The following FSTL5 variants were observed in gnomAD, a reference collection of about 807,000 sequenced individuals.
The protein encoded by FSTL5 is follistatin-related protein 5.
In FSTL5, 62 loss-of-function variants were observed where a neutral mutation model predicts 89.1. That is an observed-to-expected ratio of 0.70 (90% CI 0.57 to 0.86). The LOEUF (loss-of-function observed/expected upper bound fraction) is 0.86. FSTL5 is among the 40% of genes least tolerant of loss of function. The pLI, the probability that FSTL5 is intolerant of heterozygous loss-of-function variation, is 0.00. For synonymous variants in FSTL5, 383 were observed against 346.2 expected (o/e 1.11, Z -1.18); for missense variants, 1,057 against 1,001.6 (o/e 1.06, Z -0.75).
intron 15 of FSTL5, among the ~76,000 whole-genome samples, chr4:161,434,832 C>A (rs1308639176): frequency 6.6e-6 from 1 of 152,014 alleles, no homozygotes; most frequent in African/African-American, 2.4e-5. Flanking sequence ...CAGGTGCTAA[C>A]ACTGATCATC....
At chr4:161,423,646 C>T (rs1210568646) in intron 15 of FSTL5, among the ~76,000 whole-genome samples, 1 of 151,696 alleles carries the variant, frequency 6.6e-6, no homozygotes, top group East Asian at 1.9e-4. Flanking sequence ...TTTCCGGAGA[C>T]TGAGATATTA....
intron 3 of FSTL5, among the ~76,000 whole-genome samples, chr4:161,955,886 G>GT (rs948141586): frequency 4.9e-4 from 74 of 150,606 alleles, no homozygotes; most frequent in African/African-American, 1.2e-3. Context: ...GAGAGAGGTG[G>GT]TTTTTTTTTG....
At chr4:161,953,585 CTTTT>C (rs1578888873) in intron 3 of FSTL5, among the ~76,000 whole-genome samples, 1 of 151,538 alleles carries the variant, frequency 6.6e-6, no homozygotes, top group East Asian at 1.9e-4. Context: ...TTGCATACTT[CTTTT>C]AAGTAGATAA....
At chr4:161,670,360 C>T (rs1341209192) in intron 6 of FSTL5, among the ~76,000 whole-genome samples, 1 of 152,100 alleles carries the variant, frequency 6.6e-6, no homozygotes, top group East Asian at 1.9e-4. Flanking sequence ...AACCTGTGTG[C>T]ATTTCTTCAA....
intron 2 of FSTL5, among the ~76,000 whole-genome samples, chr4:162,036,976 T>C (rs1737764394): frequency 6.6e-6 from 1 of 151,980 alleles, no homozygotes; most frequent in African/African-American, 2.4e-5. Flanking sequence ...TTATGGAGTG[T>C]AGCTGGAAAC....
chr4:161,806,360 C>T (rs1729966018), intron 4 of FSTL5, among the ~76,000 whole-genome samples: 2 of 151,994 alleles, frequency 1.3e-5, no homozygotes, highest in South Asian at 4.1e-4. Flanking sequence ...TTTCTGCCAC[C>T]AATATACCAT....
At chr4:162,099,126 C>T (rs765829104) in intron 2 of FSTL5, among the ~76,000 whole-genome samples, 1 of 152,010 alleles carries the variant, frequency 6.6e-6, no homozygotes, top group Non-Finnish European at 1.5e-5. Flanking sequence ...GTCATCACCT[C>T]GAACATGTAT....
intron 6 of FSTL5, among the ~76,000 whole-genome samples, chr4:161,755,706 T>C (rs1427003546): frequency 6.6e-6 from 1 of 152,098 alleles, no homozygotes; most frequent in Non-Finnish European, 1.5e-5. Context: ...TCTGAGATTA[T>C]ATATTCCTAG....
intron 7 of FSTL5, among the ~76,000 whole-genome samples, chr4:161,613,085 C>G (rs1049803521): frequency 2.6e-5 from 4 of 152,142 alleles, no homozygotes; most frequent in African/African-American, 9.7e-5. Flanking sequence ...AAGATAATCA[C>G]AGCATTTCTT....
chr4:161,551,931 G>A (rs1025667087), intron 8 of FSTL5, among the ~76,000 whole-genome samples: 26 of 152,052 alleles, frequency 1.7e-4, no homozygotes, highest in African/African-American at 6.3e-4. Flanking sequence ...CATGGGCAAG[G>A]ACTTCATGTC....
intron 7 of FSTL5, among the ~76,000 whole-genome samples, chr4:161,613,161 A>C (rs1172104096): frequency 6.6e-6 from 1 of 152,158 alleles, no homozygotes; most frequent in Non-Finnish European, 1.5e-5. Flanking sequence ...CCAACATTTA[A>C]CAATATAGCA....
chr4:161,690,075 T>A (rs1354676521), intron 6 of FSTL5, among the ~76,000 whole-genome samples: 1 of 152,114 alleles, frequency 6.6e-6, no homozygotes, highest in Non-Finnish European at 1.5e-5. Context: ...TATATCCAGA[T>A]TTTGGCTGGA....
chr4:161,925,347 T>C (rs1734093709), intron 3 of FSTL5, among the ~76,000 whole-genome samples: 1 of 151,944 alleles, frequency 6.6e-6, no homozygotes, highest in African/African-American at 2.4e-5. Flanking sequence ...TTCTAAGATT[T>C]TGATTTACTT....
chr4:162,024,415 GT>G (rs5863509), intron 3 of FSTL5, among the ~76,000 whole-genome samples: 57,293 of 151,782 alleles, frequency 0.38, 11,047 homozygotes, highest in Middle Eastern at 0.54. Context: ...ACCTAACACT[GT>G]TTCTAATATT....
chr4:161,569,784 CACACACACACACA>C (rs1732941111), intron 8 of FSTL5, among the ~76,000 whole-genome samples: 2 of 151,692 alleles, frequency 1.3e-5, no homozygotes, highest in African/African-American at 4.8e-5. Context: ...CACACACACA[CACACACACACACA>C]CACCCCACAT....
At position 161,969,431 on chromosome 4, in the gene FSTL5, G is replaced by T. The variant is rs148996130; in HGVS notation, c.161-48779C>A. ...GATCTATCTATAGAACCATGTAAAAGAATTAGATGTGCAAAAATAAATAGC... is the reference window on the plus strand; with the variant it reads ...GATCTATCTATAGAACCATGTAAAATAATTAGATGTGCAAAAATAAATAGC... On this transcript the variant is annotated intron_variant, in intron 3 of 15. Transcript: ENST00000306100. Among the ~76,000 whole-genome samples, 27 of 152,158 alleles carry T rather than the reference G, an allele frequency of 1.8e-4. No homozygotes were observed. In the South Asian group the frequency reaches 2.9e-3, roughly 16 times the overall value.
chr4:161,994,281 A>G (rs1736223939), intron 3 of FSTL5, among the ~76,000 whole-genome samples: 3 of 152,184 alleles, frequency 2.0e-5, no homozygotes, highest in African/African-American at 7.2e-5. Context: ...TTCTTTAACC[A>G]GCCTGTCATT....
intron 3 of FSTL5, among the ~76,000 whole-genome samples, chr4:161,998,440 ACATT>A: frequency 6.6e-6 from 1 of 152,266 alleles, no homozygotes; most frequent in East Asian, 1.9e-4. Context: ...GGACCTGATC[ACATT>A]GACCAATCTT....
intron 1 of FSTL5, among the ~76,000 whole-genome samples, chr4:162,158,012 G>A (rs1367961914): frequency 6.6e-6 from 1 of 152,072 alleles, no homozygotes; most frequent in East Asian, 1.9e-4. Context: ...CCTCCTTAGT[G>A]CTGTGCCTCA....
Sources: allele counts gnomAD v4.1 joint callset (sites outside exome capture counted in the v4.1 genomes callset), GRCh38; gene constraint gnomAD v4.1.1; transcripts MANE v1.5; gene names NCBI Gene and HGNC (gene_info 2026-07-23, HGNC 2026-07-21).